TMEM108: variants seen among roughly 807,000 people sequenced by gnomAD.
TMEM108 encodes cancer/testis antigen 124.
A neutral mutation model predicts 35.1 loss-of-function variants in TMEM108; 12 were observed. The observed-to-expected ratio is 0.34, with a 90% CI of 0.22 to 0.55. The LOEUF (loss-of-function observed/expected upper bound fraction) is 0.55. Ranked by LOEUF, TMEM108 falls within the 20% of genes least tolerant of loss-of-function variation. TMEM108 has a pLI of 0.89. For missense variants in TMEM108, 680 were observed against 753.3 expected (o/e 0.90, Z 1.14); for synonymous variants, 287 against 308.6 (o/e 0.93, Z 0.73).
intron 2 of TMEM108, among the ~76,000 whole-genome samples, chr3:133,220,869 C>T (rs748660065): frequency 1.1e-4 from 17 of 152,322 alleles, no homozygotes; most frequent in Middle Eastern, 3.4e-3. Context: ...ACTACCCTCT[C>T]CTTGGGTTTG....
chr3:133,336,292 A>G (rs1365604445), intron 3 of TMEM108, among the ~76,000 whole-genome samples: 2 of 151,568 alleles, frequency 1.3e-5, no homozygotes, highest in Non-Finnish European at 2.9e-5. Context: ...CCTTCCCCAA[A>G]CCCCAGTTGC....
chr3:133,093,893 T>C (rs1943978763), intron 2 of TMEM108, among the ~76,000 whole-genome samples: 1 of 152,160 alleles, frequency 6.6e-6, no homozygotes, highest in Non-Finnish European at 1.5e-5. Flanking sequence ...GGCTGCAACT[T>C]TTCTGCTTAT....
chr3:133,317,361 A>G (rs2071212441), intron 3 of TMEM108, among the ~76,000 whole-genome samples: 1 of 152,236 alleles, frequency 6.6e-6, no homozygotes, highest in Non-Finnish European at 1.5e-5. Flanking sequence ...TAAGTCAGCA[A>G]TGACACTATC....
chr3:133,286,635 C>CCCAT (rs111711349), intron 3 of TMEM108, among the ~76,000 whole-genome samples: 128 of 152,310 alleles, frequency 8.4e-4, no homozygotes, highest in African/African-American at 3.1e-3. Flanking sequence ...CTGCACCAGG[C>CCCAT]CCATACTCAG....
chr3:133,092,545 T>A (rs527246346), intron 2 of TMEM108, among the ~76,000 whole-genome samples: 23 of 152,330 alleles, frequency 1.5e-4, no homozygotes, highest in African/African-American at 5.5e-4. Flanking sequence ...TTACTTTGAT[T>A]TTTAACCCTG....
Position 133,127,232 on chromosome 3 carries a change from A to G in TMEM108, c.-47+81212A>G, listed in dbSNP as rs1266792187. ...AGTAACTGAATCAGTGTCCATTTCT[A>G]AATTTAAATTTAACTTTAATAAAAT... is the stretch of plus-strand genomic sequence containing the variant. On this transcript the variant is annotated intron_variant, in intron 2 of 5. Coordinates refer to ENST00000321871, the MANE Select transcript of TMEM108 (RefSeq NM_023943.4). 2.5e-4 allele frequency among the ~76,000 whole-genome samples: 38 copies of G among 152,218 alleles called. 1 individual carries two copies. The highest frequency in any genetic ancestry group is 2.5e-3 in the Admixed American group (38 of 15,286).
chr3:133,236,684 C>T (rs976222340), intron 3 of TMEM108, among the ~76,000 whole-genome samples: 7 of 152,098 alleles, frequency 4.6e-5, no homozygotes, highest in African/African-American at 1.7e-4. Flanking sequence ...TCTAACCATT[C>T]CTTCTTGCCT....
At chr3:133,109,946 A>T (rs139503928) in intron 2 of TMEM108, among the ~76,000 whole-genome samples, 75 of 152,292 alleles carry the variant, frequency 4.9e-4, no homozygotes, top group African/African-American at 1.8e-3. Flanking sequence ...TAGCTATGAC[A>T]GATTTTCTTT....
intron 2 of TMEM108, among the ~76,000 whole-genome samples, chr3:133,170,708 T>G (rs1170302928): frequency 6.6e-5 from 10 of 152,086 alleles, no homozygotes; most frequent in Admixed American, 6.6e-4. Flanking sequence ...ATACACTGCT[T>G]TTTTTAATGA....
At position 133,263,351 on chromosome 3, in the gene TMEM108, A is replaced by G. The variant is rs189013273; in HGVS notation, c.40+34000A>G. Among the ~76,000 whole-genome samples the G allele has an allele frequency of 1.1e-3, 162 of 152,296 alleles. 1 individual carries two copies. Among genetic ancestry groups the G allele is most frequent in the African/African-American group, 3.6e-3 (149 of 41,558 alleles). On this transcript the variant is annotated intron_variant, in intron 3 of 5. Coordinates refer to ENST00000321871, the MANE Select transcript of TMEM108 (RefSeq NM_023943.4). ...TTTGCTGCCTTTAAAAGCTCCATCA[A>G]TTCTTCTAGTATACTTTGTTTGGGA...
At chr3:133,386,442 A>G (rs996375925) in intron 4 of TMEM108, 24 of 1,536,158 alleles carry the variant, frequency 1.6e-5, no homozygotes, top group East Asian at 7.3e-5. Flanking sequence ...ATCACCTGAA[A>G]GCATGCCCTT....
intron 2 of TMEM108, among the ~76,000 whole-genome samples, chr3:133,096,201 C>A (rs1944013023): frequency 6.6e-6 from 1 of 152,186 alleles, no homozygotes. Context: ...CTCTGTCACT[C>A]AGGCTGGAGT....
At chr3:133,040,019 A>T (rs147445071) in intron 1 of TMEM108, among the ~76,000 whole-genome samples, 65 of 152,290 alleles carry the variant, frequency 4.3e-4, no homozygotes, top group African/African-American at 1.4e-3. Context: ...AGCCACCGGA[A>T]ATCAAATTTT....
intron 2 of TMEM108, among the ~76,000 whole-genome samples, chr3:133,105,500 A>G (rs1944138691): frequency 6.6e-6 from 1 of 152,086 alleles, no homozygotes; most frequent in Non-Finnish European, 1.5e-5. Context: ...GCCTACCCTC[A>G]TAATTTCCCT....
intron 2 of TMEM108, among the ~76,000 whole-genome samples, chr3:133,160,739 C>G (rs1944949545): frequency 6.6e-6 from 1 of 152,216 alleles, no homozygotes; most frequent in African/African-American, 2.4e-5. Context: ...CTACTTTCTG[C>G]AAGCCACTCA....
intron 2 of TMEM108, among the ~76,000 whole-genome samples, chr3:133,187,271 A>C (rs966376757): frequency 1.3e-5 from 2 of 152,136 alleles, no homozygotes; most frequent in African/African-American, 4.8e-5. Flanking sequence ...CTTTTTGACA[A>C]AATATTGCAT....
chr3:133,228,416 G>C (rs757153495), intron 2 of TMEM108, among the ~76,000 whole-genome samples: 1 of 152,094 alleles, frequency 6.6e-6, no homozygotes, highest in African/African-American at 2.4e-5. Context: ...GTAGTCTAAT[G>C]ATTATTCTAA....
chr3:133,279,126 C>T (rs1946877652), intron 3 of TMEM108, among the ~76,000 whole-genome samples: 1 of 152,210 alleles, frequency 6.6e-6, no homozygotes. Context: ...CCAGCCTAGT[C>T]TGTAGTGGAT....
intron 2 of TMEM108, among the ~76,000 whole-genome samples, chr3:133,120,578 GGCATA>G (rs570970871): frequency 7.2e-4 from 110 of 152,000 alleles, no homozygotes; most frequent in African/African-American, 2.6e-3. Flanking sequence ...AGATGCTCTG[GGCATA>G]GCTCATCTCT....
Sources: allele counts gnomAD v4.1 joint callset (sites outside exome capture counted in the v4.1 genomes callset), GRCh38; gene constraint gnomAD v4.1.1; transcripts MANE v1.5; gene names NCBI Gene and HGNC (gene_info 2026-07-23, HGNC 2026-07-21).